The following PDE1A variants were observed in gnomAD, a reference collection of about 807,000 sequenced individuals.
PDE1A encodes the protein dual specificity calcium/calmodulin-dependent 3',5'-cyclic nucleotide phosphodiesterase 1A.
PDE1A carries 35 observed loss-of-function variants against 61.7 expected under a neutral mutation model. The ratio of observed to expected loss-of-function variants is 0.57; its 90% CI spans 0.43 to 0.75. PDE1A has a LOEUF of 0.75. Among genes scored for constraint, PDE1A ranks in the 30% least tolerant of loss-of-function variants. PDE1A has a pLI of 0.00. For missense variants in PDE1A, 597 were observed against 630.6 expected, an observed-to-expected ratio of 0.95 and a Z score of 0.57; for synonymous variants, 232 against 213.2, an observed-to-expected ratio of 1.09 and a Z score of -0.77.
At chr2:182,588,221 C>T in the PDE1A span, among the ~76,000 whole-genome samples, 649 of 152,230 alleles carry the variant, frequency 4.3e-3, 1 homozygote, top group Non-Finnish European at 7.1e-3. Flanking sequence ...AAAAAGAGAG[C>T]GCTGGGTAAA....
chr2:182,189,175 T>A (rs1308405570), intron 10 of PDE1A, 115 bp from the exon 11 acceptor site: 4 of 584,420 alleles, frequency 6.8e-6, no homozygotes, highest in Non-Finnish European at 1.2e-5. Flanking sequence ...TTAGCAATAC[T>A]TTTTTCTTAT....
intron 1 of PDE1A, among the ~76,000 whole-genome samples, chr2:182,356,712 C>G (rs1248520964): frequency 1.3e-5 from 2 of 152,010 alleles, no homozygotes; most frequent in East Asian, 3.9e-4. Context: ...CCAGCCTGAA[C>G]GATAGAGTGA....
chr2:182,565,119 G>A, the PDE1A span, among the ~76,000 whole-genome samples: 4 of 152,218 alleles, frequency 2.6e-5, no homozygotes, highest in African/African-American at 9.7e-5. Context: ...TTTGGAGGAG[G>A]AGAGGCGCTC....
rs112120976 is a variant in PDE1A at position 182,170,534 on chromosome 2, G to A, written c.1517-2244C>T. Among the ~76,000 whole-genome samples the A allele has an allele frequency of 1.2e-4, 19 of 152,066 alleles. 1 individual carries two copies. Among genetic ancestry groups the A allele is most frequent in the African/African-American group, 2.9e-4 (12 of 41,532 alleles). On this transcript the variant is annotated intron_variant, in intron 13 of 13. Transcript: ENST00000351439. Reference sequence around the variant, plus strand: ...TCCTCTTTCTGTCTGTACTCCTACCGCATAGCTATACCATATAATTTTCTG... The same window carrying A: ...TCCTCTTTCTGTCTGTACTCCTACCACATAGCTATACCATATAATTTTCTG...
intron 13 of PDE1A, among the ~76,000 whole-genome samples, chr2:182,180,410 C>T (rs1684656231): frequency 6.6e-6 from 1 of 151,978 alleles, no homozygotes; most frequent in Non-Finnish European, 1.5e-5. Context: ...TTGTATATTG[C>T]CCTCACTCTC....
At chr2:182,674,769 A>G in the PDE1A span, among the ~76,000 whole-genome samples, 2 of 152,038 alleles carry the variant, frequency 1.3e-5, no homozygotes, top group African/African-American at 2.4e-5. Context: ...AATACTTTCT[A>G]CTTACCTTTC....
At chr2:182,187,248 C>T (rs979252127) in intron 11 of PDE1A, among the ~76,000 whole-genome samples, 1 of 152,168 alleles carries the variant, frequency 6.6e-6, no homozygotes, top group Non-Finnish European at 1.5e-5. Context: ...TTTGAGATGT[C>T]AGTACTGAAT....
intron 2 of PDE1A, among the ~76,000 whole-genome samples, chr2:182,498,847 G>A (rs892643820): frequency 3.3e-5 from 5 of 152,024 alleles, no homozygotes; most frequent in Non-Finnish European, 7.4e-5. Context: ...GGGAGGCTGA[G>A]GCAGGAGAAT....
chr2:182,493,844 A>C (rs1688547887), intron 2 of PDE1A, among the ~76,000 whole-genome samples: 1 of 151,896 alleles, frequency 6.6e-6, no homozygotes, highest in African/African-American at 2.4e-5. Context: ...CAAACACCAC[A>C]TGTTAGGCTG....
the PDE1A span, among the ~76,000 whole-genome samples, chr2:182,621,977 T>C: frequency 2.2e-4 from 33 of 152,290 alleles, no homozygotes; most frequent in South Asian, 6.6e-3. Context: ...AGAATGAGAT[T>C]TGAAAATCTA....
the PDE1A span, among the ~76,000 whole-genome samples, chr2:182,628,171 C>T: frequency 3.3e-5 from 5 of 151,970 alleles, no homozygotes; most frequent in South Asian, 8.3e-4. Flanking sequence ...GGCCAGAATC[C>T]GATTATTGTT....
At chr2:182,574,986 G>A in the PDE1A span, among the ~76,000 whole-genome samples, 12 of 152,174 alleles carry the variant, frequency 7.9e-5, no homozygotes, top group African/African-American at 2.9e-4. Flanking sequence ...CACCGTGCCT[G>A]GCCTGAGCCA....
the PDE1A span, among the ~76,000 whole-genome samples, chr2:182,688,929 G>T: frequency 2.0e-5 from 3 of 152,174 alleles, no homozygotes; most frequent in Non-Finnish European, 4.4e-5. Context: ...AAAGGACAAA[G>T]AAGGCCATTA....
the PDE1A span, among the ~76,000 whole-genome samples, chr2:182,550,117 A>G: frequency 1.3e-5 from 2 of 152,192 alleles, no homozygotes; most frequent in Non-Finnish European, 1.5e-5. Context: ...CAAGACCGGC[A>G]TTAGAATCCA....
chr2:182,621,588 T>A, the PDE1A span, among the ~76,000 whole-genome samples: 15 of 151,828 alleles, frequency 9.9e-5, no homozygotes, highest in Non-Finnish European at 1.6e-4. Flanking sequence ...AAAAAAAATT[T>A]TTTTTTTTGG....
intron 2 of PDE1A, among the ~76,000 whole-genome samples, chr2:182,519,359 A>G (rs2125985741): frequency 6.6e-6 from 1 of 152,168 alleles, no homozygotes; most frequent in East Asian, 1.9e-4. Context: ...ATAGATGATG[A>G]CTTGTAGTGT....
intron 2 of PDE1A, among the ~76,000 whole-genome samples, chr2:182,477,992 C>A (rs1018355016): frequency 6.6e-6 from 1 of 151,814 alleles, no homozygotes; most frequent in Non-Finnish European, 1.5e-5. Context: ...GACTCACATT[C>A]TTGCCGTGAC....
the PDE1A span, among the ~76,000 whole-genome samples, chr2:182,710,256 T>C: frequency 6.6e-6 from 1 of 152,218 alleles, no homozygotes; most frequent in African/African-American, 2.4e-5. Context: ...AAACTGTGTA[T>C]ATTCAACATA....
chr2:182,211,879 A>C (rs1238399121), intron 7 of PDE1A, among the ~76,000 whole-genome samples: 1 of 152,126 alleles, frequency 6.6e-6, no homozygotes, highest in East Asian at 1.9e-4. Flanking sequence ...ATAATCACTT[A>C]GTTCCAGGAG....
Sources: gnomAD v4.1 joint callset for allele counts (sites outside exome capture counted in the v4.1 genomes callset) on GRCh38, gnomAD v4.1.1 for gene constraint, MANE v1.5 for transcripts, NCBI Gene and HGNC (gene_info 2026-07-23, HGNC 2026-07-21) for gene names.